ZNF501: variants seen among roughly 807,000 people sequenced by gnomAD.
ZNF501 encodes zinc finger protein 501, also known as zinc finger protein 52.
In ZNF501, 7 loss-of-function variants were observed where a neutral mutation model predicts 5.7. That is an observed-to-expected ratio of 1.24 (90% CI 0.70 to 2.32). The LOEUF (loss-of-function observed/expected upper bound fraction) is 2.32. Among genes scored for constraint, ZNF501 ranks in the 30% most tolerant of loss-of-function variants. The pLI, the probability that ZNF501 is intolerant of heterozygous loss-of-function variation, is 0.00. For synonymous variants in ZNF501, 107 were observed against 101.9 expected, an observed-to-expected ratio of 1.05 and a Z score of -0.30; for missense variants, 352 against 321.1, an observed-to-expected ratio of 1.10 and a Z score of -0.73.
At position 44,735,428 on chromosome 3, in the gene ZNF501, T is replaced by G. The variant is rs538190503; in HGVS notation, c.*191T>G. 3.7e-5 allele frequency: 18 copies of G among 485,968 alleles called. No individual in the cohort carries two copies. Among genetic ancestry groups the G allele is most frequent in the Admixed American group, 3.6e-5 (1 of 27,482 alleles). The allele number at this position is 485,968 out of a possible 1,614,324, so 30.1% of individuals were successfully genotyped here. ...CTGCTGCTCAGTGGGTGTAACCTTA[T>G]CCCTTCTGAGCCTCAGTTTCCCCAT... On this transcript the variant is annotated 3_prime_UTR_variant, in exon 3 of 3. Transcript: ENST00000620116.
At position 44,734,544 on chromosome 3, in the gene ZNF501, G is replaced by T. The variant is rs758136769; in HGVS notation, c.123G>T (p.Gln41His). Reference sequence around the variant, plus strand: ...AGAGATCATCTCTTACCCAGCACCAGAGGATTCACAGAGGAGAGAAGCCCT... The same window carrying T: ...AGAGATCATCTCTTACCCAGCACCATAGGATTCACAGAGGAGAGAAGCCCT... ...FTQRSSLTQH[Q>H]RIHRGEKPYV... The change falls in exon 3 of 3, where the codon CAG becomes CAT. Residue 41 changes from glutamine (Q) to histidine (H), a missense_variant. Gln to His is a conservative substitution (Grantham distance 24, BLOSUM62 0). Transcript: ENST00000620116. 24 of 1,614,196 alleles carry T rather than the reference G, an allele frequency of 1.5e-5. No individual in the cohort carries two copies. Among genetic ancestry groups the T allele is most frequent in the Non-Finnish European group, 1.9e-5 (23 of 1,180,026 alleles).
rs1294533905 is a variant in ZNF501, at chr3:44,735,251, A to T, written c.*14A>T. ...GCTGGAGAGTAAAATTTGGAATATA[A>T]TGAGTATGGGAAGATTTGTATGGAA... On this transcript the variant is annotated 3_prime_UTR_variant, in exon 3 of 3. Transcript: ENST00000620116. 1 of 1,530,624 alleles carries T rather than the reference A, an allele frequency of 6.5e-7. No homozygotes were observed. Among genetic ancestry groups the T allele is most frequent in the Non-Finnish European group, 8.8e-7 (1 of 1,139,740 alleles). 94.8% of individuals were successfully genotyped at this position (1,530,624 alleles called of 1,614,324 possible). A position where few individuals can be genotyped will look rare whatever the true frequency, so the allele number is the denominator to read the frequency against.
intron 1 of ZNF501, 123 bp from the exon 2 acceptor site, chr3:44,731,353 A>G (rs939909660): frequency 6.6e-6 from 1 of 152,220 alleles, no homozygotes; most frequent in African/African-American, 2.4e-5. Flanking sequence ...TAATAACGAT[A>G]TTCTTTCATT....
rs1704674423 is a variant in ZNF501, at chr3:44,735,074, A to ATAAGTGTAG, written c.655_663dup (p.Lys219_Ser221dup). On this transcript the variant is annotated inframe_insertion, in exon 3 of 3. Coordinates refer to ENST00000620116, the MANE Select transcript of ZNF501 (RefSeq NM_001258280.2). Reference sequence around the variant, plus strand: ...AGGACTCACACTGGAGAGAAACTTTATAAGTGTAGTGAGTGTGAAAAAACT... The same window carrying ATAAGTGTAG: ...AGGACTCACACTGGAGAGAAACTTTATAAGTGTAGTAAGTGTAGTGAGTGTGAAAAAACT... 6.2e-7 allele frequency: 1 copy of ATAAGTGTAG among 1,614,190 alleles called. No homozygotes were observed. The highest frequency in any genetic ancestry group is 1.3e-5 in the African/African-American group (1 of 75,058).
chr3:44,734,391 T>G lies in ZNF501; in HGVS notation c.-31T>G, dbSNP rs1393590510. On this transcript the variant is annotated 5_prime_UTR_variant, in exon 3 of 3. Coordinates refer to ENST00000620116, the MANE Select transcript of ZNF501 (RefSeq NM_001258280.2). ...ATAATCACCTTTGAGGAAAAAAAAC[T>G]TGTAAGTATGAATTTGGTGTTACAA... 16 of 1,588,536 alleles carry G rather than the reference T, an allele frequency of 1.0e-5. No individual in the cohort carries two copies. Among genetic ancestry groups the G allele is most frequent in the Non-Finnish European group, 1.3e-5 (15 of 1,165,798 alleles).
intron 2 of ZNF501, among the ~76,000 whole-genome samples, chr3:44,732,689 A>G (rs1349542999): frequency 6.6e-6 from 1 of 152,258 alleles, no homozygotes; most frequent in African/African-American, 2.4e-5. Flanking sequence ...TGCAGAGCAG[A>G]ACCTGTAGAA....
At chr3:44,730,995 AGCTT>A (rs914092466) in intron 1 of ZNF501, among the ~76,000 whole-genome samples, 1 of 152,256 alleles carries the variant, frequency 6.6e-6, no homozygotes, top group Non-Finnish European at 1.5e-5. Flanking sequence ...AATATTATCT[AGCTT>A]TTCAATTTCA....
intron 2 of ZNF501, among the ~76,000 whole-genome samples, chr3:44,733,102 G>GTGC (rs1318539405): frequency 6.6e-6 from 1 of 152,136 alleles, no homozygotes; most frequent in Non-Finnish European, 1.5e-5. Context: ...GAGATTATAG[G>GTGC]TGCGAGCCAC....
Position 44,734,299 on chromosome 3 carries a change from GC to G in ZNF501, c.-122del. On this transcript the variant is annotated 5_prime_UTR_variant, in exon 3 of 3. It removes the in-frame stop codon of an upstream open reading frame in the 5' UTR. Transcript: ENST00000620116. ...CAGGGATGAATGAGAGGACAGCAAT[GC>G]ATGTGTGATGTGTGTGAGCACACAC... 1 of 754,810 alleles carries G rather than the reference GC, an allele frequency of 1.3e-6. No individual in the cohort carries two copies. The highest frequency in any genetic ancestry group is 2.2e-6 in the Non-Finnish European group (1 of 463,788). The allele number at this position is 754,810 out of a possible 1,614,324, so 46.8% of individuals were successfully genotyped here. A position where few individuals can be genotyped will look rare whatever the true frequency, so the allele number is the denominator to read the frequency against.
At chr3:44,734,167 C>T (rs552741757) in intron 2 of ZNF501, 30 bp from the exon 3 acceptor site, 3 of 377,050 alleles carry the variant, frequency 8.0e-6, no homozygotes, top group African/African-American at 4.0e-5. Context: ...TATAGAATTC[C>T]TAATACCTGT....
Position 44,734,543 on chromosome 3 carries a change from A to G in ZNF501, c.122A>G (p.Gln41Arg). 1 of 1,614,198 alleles carries G rather than the reference A, an allele frequency of 6.2e-7. No individual in the cohort carries two copies. The highest frequency in any genetic ancestry group is 1.1e-5 in the South Asian group (1 of 91,088). The change falls in exon 3 of 3, where the codon CAG (glutamine) becomes CGG (arginine). Residue 41 changes from glutamine to arginine, a missense_variant. By Grantham distance (43) the Gln-to-Arg change is conservative (BLOSUM62 1). Coordinates refer to ENST00000620116, the MANE Select transcript of ZNF501 (RefSeq NM_001258280.2). ...FTQRSSLTQH[Q>R]RIHRGEKPYV... The stretch of plus-strand genomic sequence containing the variant: ...CAGAGATCATCTCTTACCCAGCACC[A>G]GAGGATTCACAGAGGAGAGAAGCCC...
In ZNF501 at chr3:44,735,132, C is replaced by T; in HGVS notation, c.711C>T (p.Tyr237=). ...AACAAGCACACCTTAGTGAGCATTA[C>T]AGAATTCATACTGGAGAAAAACCTT... ...FRKQAHLSEH[Y]RIHTGEKPYE... The change falls in exon 3 of 3, where the codon TAC becomes TAT. Residue 237 remains tyrosine, a synonymous_variant. Transcript: ENST00000620116. 1 of 1,614,032 alleles carries T rather than the reference C, an allele frequency of 6.2e-7. No individual in the cohort carries two copies. The highest frequency in any genetic ancestry group is 1.1e-5 in the South Asian group (1 of 91,066).
At chr3:44,732,194 G>A (rs1704625298) in intron 2 of ZNF501, 1 of 152,196 alleles carries the variant, frequency 6.6e-6, no homozygotes. Context: ...GTACACTTAT[G>A]TACGTATTTA....
At position 44,734,428 on chromosome 3, in the gene ZNF501, T is replaced by C. The variant is rs1340126151; in HGVS notation, c.7T>C (p.Ser3Pro). The C allele has an allele frequency of 1.9e-6, 3 of 1,610,276 alleles. No homozygotes were observed. The African/African-American group carries it at 4.0e-5, about 22-fold the overall frequency. MN[S>P]SQISLRMKHG... Reference sequence around the variant, plus strand: ...ATTTGGTGTTACAAGCAGCATGAATTCCAGCCAAATATCACTCAGAATGAA... The same window carrying C: ...ATTTGGTGTTACAAGCAGCATGAATCCCAGCCAAATATCACTCAGAATGAA... Residue 3 changes from serine to proline, a missense_variant, in exon 3 of 3, where the codon TCC (serine) becomes CCC (proline). Physicochemically the swap from Ser to Pro is moderately conservative, Grantham distance 74. Coordinates refer to ENST00000620116, the MANE Select transcript of ZNF501 (RefSeq NM_001258280.2).
chr3:44,734,327 C>G lies in ZNF501; in HGVS notation c.-95C>G. 9.2e-7 allele frequency: 1 copy of G among 1,082,250 alleles called. No individual in the cohort carries two copies. Among genetic ancestry groups the G allele is most frequent in the South Asian group, 1.6e-5 (1 of 64,098 alleles). 67.0% of individuals were successfully genotyped at this position (1,082,250 alleles called of 1,614,324 possible). ...TGTGTGATGTGTGTGAGCACACACA[C>G]ACAGTAACCTTTCCTAGGAGAACTG... On this transcript the variant is annotated 5_prime_UTR_variant, in exon 3 of 3. Transcript: ENST00000620116.
At chr3:44,733,904 CTT>C (rs752644707) in intron 2 of ZNF501, among the ~76,000 whole-genome samples, 2 of 152,190 alleles carry the variant, frequency 1.3e-5, no homozygotes, top group Non-Finnish European at 2.9e-5. Flanking sequence ...AAAGGAAACT[CTT>C]TGACTATCAC....
In ZNF501 at chr3:44,730,830, A is replaced by G. The variant is rs183874070; in HGVS notation, c.-310-646A>G. Among the ~76,000 whole-genome samples the G allele has an allele frequency of 3.8e-4, 58 of 152,278 alleles. 1 individual carries two copies. The East Asian group carries it at 0.01, about 27-fold the overall frequency. ...AGCCCGTTCTTAACAAGACCCATTCACCTCACGGCTAGCTCATTTAGTACT... is the reference window on the plus strand; with the variant it reads ...AGCCCGTTCTTAACAAGACCCATTCGCCTCACGGCTAGCTCATTTAGTACT... On this transcript the variant is annotated intron_variant, in intron 1 of 2. Coordinates refer to ENST00000620116, the MANE Select transcript of ZNF501 (RefSeq NM_001258280.2).
At chr3:44,731,745 G>A (rs1410035327) in intron 2 of ZNF501, 185 bp downstream of exon 2, 1 of 152,174 alleles carries the variant, frequency 6.6e-6, no homozygotes, top group East Asian at 1.9e-4. Flanking sequence ...CTGTGAAAAC[G>A]GCTATGGAAT....
At position 44,734,750 on chromosome 3, in the gene ZNF501, A is replaced by T. The variant is rs756799262; in HGVS notation, c.329A>T (p.Glu110Val). 3.1e-6 allele frequency: 5 copies of T among 1,613,970 alleles called. No homozygotes were observed. The highest frequency in any genetic ancestry group is 1.3e-5 in the African/African-American group (1 of 74,926). The change falls in exon 3 of 3, where the codon GAA (glutamate) becomes GTA (valine). Residue 110 changes from glutamate to valine, a missense_variant. Transcript: ENST00000620116. ...GGAGAGAAACCCTATAAATGCAATGAATGTGGAAAAGCCTTTTGTCAGAGC... is the reference window on the plus strand; with the variant it reads ...GGAGAGAAACCCTATAAATGCAATGTATGTGGAAAAGCCTTTTGTCAGAGC... ...HTGEKPYKCN[E>V]CGKAFCQSPS...
Sources: gnomAD v4.1 joint callset for allele counts (sites outside exome capture counted in the v4.1 genomes callset) on GRCh38, gnomAD v4.1.1 for gene constraint, MANE v1.5 for transcripts, NCBI Gene and HGNC (gene_info 2026-07-23, HGNC 2026-07-21) for gene names.